Variants in MEI4 observed in about 807,000 individuals in gnomAD.
MEI4 encodes the protein meiosis-specific protein MEI4.
Under a neutral mutation model 31.4 loss-of-function variants are expected in MEI4, and 27 were observed. That is an observed-to-expected ratio of 0.86 (90% CI 0.63 to 1.19). The LOEUF is 1.19. Ranked by LOEUF, MEI4 falls within the 50% of genes most tolerant of loss-of-function variation. MEI4 has a pLI of 0.00. For missense variants in MEI4, 329 were observed against 398.9 expected, an observed-to-expected ratio of 0.82 and a Z score of 1.49; for synonymous variants, 122 against 145.4, an observed-to-expected ratio of 0.84 and a Z score of 1.16.
chr6:77,917,592 T>C, intron 4 of MEI4, among the ~76,000 whole-genome samples: 1 of 79,256 alleles, frequency 1.3e-5, no homozygotes, highest in Non-Finnish European at 2.3e-5. Flanking sequence ...TCTGTTCATG[T>C]CCTTTGCCCA....
intron 4 of MEI4, among the ~76,000 whole-genome samples, chr6:77,877,932 A>G (rs1364150017): frequency 6.6e-6 from 1 of 152,116 alleles, no homozygotes; most frequent in Non-Finnish European, 1.5e-5. Context: ...TACTTTTCAC[A>G]AGGGAATACA....
chr6:77,814,022 G>A (rs1279537021), intron 3 of MEI4, among the ~76,000 whole-genome samples: 1 of 151,834 alleles, frequency 6.6e-6, no homozygotes, highest in African/African-American at 2.4e-5. Flanking sequence ...AGTTTAATTC[G>A]TTGAAACCTA....
At chr6:77,841,333 A>ATATATATTTTTTTTTTTTTTT in intron 4 of MEI4, among the ~76,000 whole-genome samples, 2 of 27,736 alleles carry the variant, frequency 7.2e-5, no homozygotes, top group African/African-American at 6.5e-4. Context: ...ATATATATAT[A>ATATATATTTTTTTTTTTTTTT]TTTTTTTTTT....
At chr6:77,814,945 TG>T (rs1769654225) in intron 3 of MEI4, among the ~76,000 whole-genome samples, 3 of 152,142 alleles carry the variant, frequency 2.0e-5, no homozygotes, top group Admixed American at 2.0e-4. Context: ...AGATACTTTT[TG>T]GTTTACGTAC....
At position 77,869,606 on chromosome 6, in the gene MEI4, C is replaced by G. The variant is rs538568562; in HGVS notation, c.900+40544C>G. Among the ~76,000 whole-genome samples the G allele has an allele frequency of 5.9e-5, 9 of 152,214 alleles. No individual in the cohort carries two copies. In the South Asian group the frequency reaches 1.9e-3, roughly 32 times the overall value. ...AGCATCTTGGTCTTGGGCTTCCAGT[C>G]TCTAGAACTGTGAGAAAATAAGTAT... On this transcript the variant is annotated intron_variant, in intron 4 of 4. Transcript: ENST00000684080.
intron 1 of MEI4, among the ~76,000 whole-genome samples, chr6:77,656,756 A>G (rs1768404698): frequency 6.6e-6 from 1 of 151,934 alleles, no homozygotes; most frequent in Non-Finnish European, 1.5e-5. Flanking sequence ...TTAATAATCC[A>G]CTCTTAATAA....
At chr6:77,650,806 G>A (rs1768286505), upstream of MEI4, among the ~76,000 whole-genome samples, 1 of 152,246 alleles carries the variant, frequency 6.6e-6, no homozygotes, top group Non-Finnish European at 1.5e-5. Context: ...GCCCACACCT[G>A]TGTGGATTTC....
chr6:77,848,130 A>G (rs529155655), intron 4 of MEI4, among the ~76,000 whole-genome samples: 5 of 152,322 alleles, frequency 3.3e-5, no homozygotes, highest in African/African-American at 1.2e-4. Flanking sequence ...AAGAATAGAA[A>G]GCAACTATAA....
intron 3 of MEI4, among the ~76,000 whole-genome samples, chr6:77,781,138 T>G (rs1768587311): frequency 6.6e-6 from 1 of 152,116 alleles, no homozygotes; most frequent in Non-Finnish European, 1.5e-5. Context: ...CTTCAAGTAA[T>G]CCTCCTTCCT....
chr6:77,809,381 T>TGCATGCAGTAGTTTTATTTTCAAAC (rs1769515535), intron 3 of MEI4, among the ~76,000 whole-genome samples: 1 of 152,134 alleles, frequency 6.6e-6, no homozygotes, highest in Non-Finnish European at 1.5e-5. Flanking sequence ...GTAGGAGAAA[T>TGCATGCAGTAGTTTTATTTTCAAAC]GCATGCAGTA....
intron 3 of MEI4, among the ~76,000 whole-genome samples, chr6:77,771,067 T>G (rs1327209227): frequency 2.0e-5 from 3 of 152,078 alleles, no homozygotes; most frequent in East Asian, 3.8e-4. Flanking sequence ...CCAGAGCCTA[T>G]AAGGAACTTA....
chr6:77,852,603 A>G (rs1291854136), intron 4 of MEI4, among the ~76,000 whole-genome samples: 1 of 122,108 alleles, frequency 8.2e-6, no homozygotes, highest in Non-Finnish European at 1.7e-5. Flanking sequence ...TTTTTGTCTC[A>G]CAGTTTTAGA....
At chr6:77,774,949 G>A (rs1221203935) in intron 3 of MEI4, among the ~76,000 whole-genome samples, 2 of 152,022 alleles carry the variant, frequency 1.3e-5, no homozygotes, top group Non-Finnish European at 2.9e-5. Context: ...TCTTCCTGTA[G>A]CATGAAAGGA....
intron 3 of MEI4, among the ~76,000 whole-genome samples, chr6:77,802,170 T>C (rs1769282900): frequency 6.6e-6 from 1 of 152,212 alleles, no homozygotes; most frequent in Non-Finnish European, 1.5e-5. Context: ...TAGGTGCATA[T>C]ATAGTTATGA....
At chr6:77,755,030 A>G (rs774727339) in intron 2 of MEI4, among the ~76,000 whole-genome samples, 26 of 152,278 alleles carry the variant, frequency 1.7e-4, no homozygotes, top group Non-Finnish European at 3.5e-4. Context: ...TAAGTAAGAA[A>G]GGTATCAAGA....
intron 4 of MEI4, among the ~76,000 whole-genome samples, chr6:77,893,345 A>C (rs1252443410): frequency 1.3e-5 from 2 of 152,182 alleles, no homozygotes; most frequent in Non-Finnish European, 2.9e-5. Flanking sequence ...GCTAATGTGA[A>C]TTTCCCAGAA....
At chr6:77,861,924 T>C (rs1770875813) in intron 4 of MEI4, among the ~76,000 whole-genome samples, 1 of 152,176 alleles carries the variant, frequency 6.6e-6, no homozygotes, top group African/African-American at 2.4e-5. Context: ...CATATGGTTG[T>C]TTGTTATTAT....
chr6:77,769,072 A>C (rs1768244494), intron 3 of MEI4, among the ~76,000 whole-genome samples: 1 of 152,190 alleles, frequency 6.6e-6, no homozygotes, highest in African/African-American at 2.4e-5. Context: ...ACCTGATTTT[A>C]ACATTACATT....
chr6:77,806,144 C>T (rs992701774), intron 3 of MEI4, among the ~76,000 whole-genome samples: 6 of 152,106 alleles, frequency 3.9e-5, no homozygotes, highest in African/African-American at 1.4e-4. Flanking sequence ...AGAGCATGTA[C>T]ATAAAGTGCA....
Sources: allele counts gnomAD v4.1 joint callset (sites outside exome capture counted in the v4.1 genomes callset), GRCh38; gene constraint gnomAD v4.1.1; transcripts MANE v1.5; gene names NCBI Gene and HGNC (gene_info 2026-07-23, HGNC 2026-07-21).